FRMD3: variants seen among roughly 807,000 people sequenced by gnomAD.
The protein encoded by FRMD3 is FERM domain-containing protein 3.
FRMD3 carries 33 observed loss-of-function variants against 70.2 expected under a neutral mutation model. The ratio of observed to expected loss-of-function variants is 0.47; its 90% CI spans 0.36 to 0.63. The LOEUF (loss-of-function observed/expected upper bound fraction) is 0.63. Among genes scored for constraint, FRMD3 ranks in the 20% least tolerant of loss-of-function variants. FRMD3 has a pLI of 0.00. For synonymous variants in FRMD3, 279 were observed against 255.9 expected (o/e 1.09, Z -0.86); for missense variants, 632 against 711.4 (o/e 0.89, Z 1.27).
Position 83,516,024 on chromosome 9 carries a change from T to G in FRMD3, c.147+22061A>C, listed in dbSNP as rs147760725. Among the ~76,000 whole-genome samples, 236 of 152,092 alleles carry G rather than the reference T, an allele frequency of 1.6e-3. 1 individual carries two copies. The highest frequency in any genetic ancestry group is 5.5e-3 in the African/African-American group (228 of 41,472). ...CAGCCACTACAAAAACAAACCAAAA[T>G]GTAAAGACCATTGATACTATGAAGA... is the stretch of plus-strand genomic sequence containing the variant. On this transcript the variant is annotated intron_variant, in intron 1 of 13. Transcript: ENST00000304195.
At chr9:83,365,656 A>G (rs536917132) in intron 3 of FRMD3, among the ~76,000 whole-genome samples, 3 of 152,260 alleles carry the variant, frequency 2.0e-5, no homozygotes, top group African/African-American at 7.2e-5. Context: ...GCTTGGCTGA[A>G]CACAGTGAGG....
At chr9:83,313,595 C>T (rs1043746797) in intron 7 of FRMD3, 65 bp downstream of exon 7, 1 of 1,294,608 alleles carries the variant, frequency 7.7e-7, no homozygotes. Context: ...CAGGCCTGCG[C>T]ACAGATAAAC....
At chr9:83,479,522 G>A (rs1346731546) in intron 1 of FRMD3, among the ~76,000 whole-genome samples, 1 of 146,744 alleles carries the variant, frequency 6.8e-6, no homozygotes, top group East Asian at 2.1e-4. Flanking sequence ...AGATAACTTG[G>A]GAGGCTGAGG....
At chr9:83,307,830 A>T (rs1000037327) in intron 10 of FRMD3, among the ~76,000 whole-genome samples, 13 of 152,162 alleles carry the variant, frequency 8.5e-5, no homozygotes, top group Admixed American at 2.0e-4. Context: ...CATTTAAAAA[A>T]TTTTTTTTAA....
At chr9:83,362,762 T>TATTTC (rs1364481894) in intron 3 of FRMD3, among the ~76,000 whole-genome samples, 3 of 151,264 alleles carry the variant, frequency 2.0e-5, no homozygotes, top group African/African-American at 7.3e-5. Flanking sequence ...CTTCCTTCCT[T>TATTTC]CTCTCCTTCC....
chr9:83,296,889 G>A (rs143200666), intron 12 of FRMD3, among the ~76,000 whole-genome samples: 39 of 152,206 alleles, frequency 2.6e-4, no homozygotes, highest in Admixed American at 6.5e-4. Flanking sequence ...TGGACCAGCC[G>A]CGTGACCATC....
intron 1 of FRMD3, among the ~76,000 whole-genome samples, chr9:83,511,922 C>A (rs867786089): frequency 6.6e-6 from 1 of 152,134 alleles, no homozygotes. Context: ...TTTTGCAGGG[C>A]CCCTTTCTGA....
At chr9:83,525,325 T>C (rs1010476149) in intron 1 of FRMD3, among the ~76,000 whole-genome samples, 4 of 152,232 alleles carry the variant, frequency 2.6e-5, no homozygotes, top group Non-Finnish European at 1.5e-5. Flanking sequence ...TAAAACTCTA[T>C]TGTACATTTA....
the FRMD3 span, among the ~76,000 whole-genome samples, chr9:83,581,385 T>A: frequency 2.6e-5 from 4 of 152,198 alleles, no homozygotes; most frequent in Non-Finnish European, 5.9e-5. Context: ...TCCGTAATCA[T>A]TGAGGAAATG....
intron 3 of FRMD3, among the ~76,000 whole-genome samples, chr9:83,352,607 T>C (rs927499431): frequency 5.3e-5 from 8 of 152,160 alleles, no homozygotes; most frequent in African/African-American, 1.9e-4. Context: ...AGTCCTTCCA[T>C]CATCTGAAGA....
intron 1 of FRMD3, among the ~76,000 whole-genome samples, chr9:83,499,632 T>C (rs1186234269): frequency 6.6e-6 from 1 of 152,212 alleles, no homozygotes; most frequent in East Asian, 1.9e-4. Context: ...CCCAGAATGC[T>C]GACGCCACCA....
chr9:83,388,475 A>T (rs1825573402), intron 2 of FRMD3, among the ~76,000 whole-genome samples: 1 of 152,212 alleles, frequency 6.6e-6, no homozygotes, highest in South Asian at 2.1e-4. Context: ...GCCTCTGAGC[A>T]TATGGCTGGG....
At chr9:83,287,228 A>G (rs891679756) in intron 13 of FRMD3, among the ~76,000 whole-genome samples, 4 of 152,180 alleles carry the variant, frequency 2.6e-5, no homozygotes, top group African/African-American at 9.7e-5. Context: ...CCCCAGGGGA[A>G]ATTCAGCAGT....
At chr9:83,510,064 A>G (rs1336475857) in intron 1 of FRMD3, among the ~76,000 whole-genome samples, 1 of 152,216 alleles carries the variant, frequency 6.6e-6, no homozygotes, top group Non-Finnish European at 1.5e-5. Context: ...CAGGAAGCCA[A>G]CCTTGAAGGT....
chr9:83,316,161 C>CTTTTTTTTTTTTTTTTTT (rs34851421), intron 6 of FRMD3, among the ~76,000 whole-genome samples: 7 of 112,602 alleles, frequency 6.2e-5, no homozygotes, highest in African/African-American at 1.8e-4. Context: ...TTTTTTTTTT[C>CTTTTTTTTTTTTTTTTTT]TTTTTTTTTT....
At chr9:83,299,257 G>A in intron 10 of FRMD3, 71 bp from the exon 11 acceptor site, 1 of 891,020 alleles carries the variant, frequency 1.1e-6, no homozygotes, top group Admixed American at 2.5e-5. Flanking sequence ...ATAGAGGTGT[G>A]GTGATGGGGT....
intron 1 of FRMD3, among the ~76,000 whole-genome samples, chr9:83,536,863 T>C (rs1402196426): frequency 1.4e-5 from 2 of 148,104 alleles, no homozygotes; most frequent in Admixed American, 6.9e-5. Context: ...TAGAGGCTGA[T>C]TCCTACTCTG....
intron 6 of FRMD3, among the ~76,000 whole-genome samples, chr9:83,330,809 C>A (rs76820287): frequency 2.6e-5 from 4 of 152,312 alleles, no homozygotes; most frequent in Non-Finnish European, 4.4e-5. Flanking sequence ...AAGAATCATT[C>A]GGCTCAGTGG....
At position 83,245,798 on chromosome 9, in the gene FRMD3, G is replaced by T; in HGVS notation, c.*2120C>A. 2.0e-6 allele frequency: 2 copies of T among 985,098 alleles called. No homozygotes were observed. Among genetic ancestry groups the T allele is most frequent in the Non-Finnish European group, 2.4e-6 (2 of 829,730 alleles). The allele number at this position is 985,098 out of a possible 1,614,324, so 61.0% of individuals were successfully genotyped here. ...CACTAAAGTTGCCTTATGTCAGAAAGGATGACTTAGAAGTCGTATGAGAAA... is the reference window on the plus strand; with the variant it reads ...CACTAAAGTTGCCTTATGTCAGAAATGATGACTTAGAAGTCGTATGAGAAA... On this transcript the variant is annotated 3_prime_UTR_variant, in exon 14 of 14. Coordinates refer to ENST00000304195, the MANE Select transcript of FRMD3 (RefSeq NM_174938.6).
Sources: gnomAD v4.1 joint callset for allele counts (sites outside exome capture counted in the v4.1 genomes callset) on GRCh38, gnomAD v4.1.1 for gene constraint, MANE v1.5 for transcripts, NCBI Gene and HGNC (gene_info 2026-07-23, HGNC 2026-07-21) for gene names.